EPHA5: variants seen among roughly 807,000 people sequenced by gnomAD.
The protein encoded by EPHA5 is EPH receptor A5.
A neutral mutation model predicts 105.0 loss-of-function variants in EPHA5; 60 were observed. The observed-to-expected ratio is 0.57, with a 90% confidence interval of 0.46 to 0.71. The LOEUF (loss-of-function observed/expected upper bound fraction) is 0.71, where lower values mean the gene tolerates loss of function less well. Ranked by LOEUF, EPHA5 falls within the 30% of genes least tolerant of loss-of-function variation. The probability of loss-of-function intolerance (pLI) is 0.00; values close to 1 mark genes in which losing one functional copy is unlikely to be tolerated. For missense variants in EPHA5, 1,218 were observed against 1,274.7 expected (o/e 0.96, Z 0.68); for synonymous variants, 513 against 449.1 (o/e 1.14, Z -1.80).
chr4:65,431,058 A>C (rs562279728), intron 5 of EPHA5, among the ~76,000 whole-genome samples: 2 of 152,318 alleles, frequency 1.3e-5, no homozygotes, highest in African/African-American at 4.8e-5. Context: ...ATTCAAATAT[A>C]TGAGAAATAT....
At chr4:65,471,771 C>T (rs1424598653) in intron 5 of EPHA5, among the ~76,000 whole-genome samples, 3 of 152,134 alleles carry the variant, frequency 2.0e-5, no homozygotes, top group African/African-American at 7.2e-5. Flanking sequence ...CCCCATGATC[C>T]AATCACCTCC....
At chr4:65,573,855 C>T (rs192792898) in intron 3 of EPHA5, 17 of 1,611,572 alleles carry the variant, frequency 1.1e-5, no homozygotes, top group Middle Eastern at 1.7e-4. Context: ...CAAAAAAAAA[C>T]CCTTCAGTCA....
At chr4:65,545,574 G>A (rs909272120) in intron 3 of EPHA5, among the ~76,000 whole-genome samples, 3 of 151,792 alleles carry the variant, frequency 2.0e-5, no homozygotes, top group Admixed American at 1.3e-4. Flanking sequence ...ACAATGAATT[G>A]ACATAATAGG....
chr4:65,403,426 T>G (rs923166121), intron 8 of EPHA5, among the ~76,000 whole-genome samples: 1 of 152,034 alleles, frequency 6.6e-6, no homozygotes, highest in Non-Finnish European at 1.5e-5. Context: ...AATAAATATT[T>G]CCATGAAGAC....
intron 4 of EPHA5, among the ~76,000 whole-genome samples, chr4:65,492,078 G>A (rs957049607): frequency 3.9e-5 from 6 of 152,080 alleles, no homozygotes; most frequent in African/African-American, 1.4e-4. Flanking sequence ...AATATGCATT[G>A]TCTGTTCTAA....
intron 8 of EPHA5, among the ~76,000 whole-genome samples, chr4:65,386,463 T>G (rs1228713789): frequency 6.6e-6 from 1 of 151,884 alleles, no homozygotes; most frequent in Admixed American, 6.6e-5. Flanking sequence ...TCATATGCAT[T>G]GACCCTTACT....
At chr4:65,334,547 G>A (rs1560421301) in intron 15 of EPHA5, among the ~76,000 whole-genome samples, 1 of 151,876 alleles carries the variant, frequency 6.6e-6, no homozygotes, top group Non-Finnish European at 1.5e-5. Flanking sequence ...CAACTCTTGT[G>A]ACATAGGTAG....
At chr4:65,377,306 A>C (rs1560470506) in intron 8 of EPHA5, among the ~76,000 whole-genome samples, 1 of 152,014 alleles carries the variant, frequency 6.6e-6, no homozygotes, top group Non-Finnish European at 1.5e-5. Context: ...ATCCAGTAGG[A>C]AATGTCATGA....
At chr4:65,446,826 A>C (rs1726581702) in intron 5 of EPHA5, among the ~76,000 whole-genome samples, 1 of 152,186 alleles carries the variant, frequency 6.6e-6, no homozygotes, top group African/African-American at 2.4e-5. Flanking sequence ...GGAGAATAAA[A>C]CATCAAGTAA....
At chr4:65,331,664 T>C in intron 16 of EPHA5, 15 of 1,115,298 alleles carry the variant, frequency 1.3e-5, no homozygotes, top group South Asian at 4.0e-5. Flanking sequence ...TAGATACCAG[T>C]ATAAAAAAAC....
In EPHA5 at chr4:65,494,895, C is replaced by G. The variant is rs956201492; in HGVS notation, c.1066+493G>C. ...GTGGCTTTATTGGGGCAGTTTAGAA[C>G]AAGATGGTGAAGGCTCCATCAGCTA... On this transcript the variant is annotated intron_variant, in intron 4 of 16. Transcript: ENST00000613740. Among the ~76,000 whole-genome samples the G allele has an allele frequency of 2.6e-5, 4 of 151,620 alleles. No individual in the cohort carries two copies. The East Asian group carries it at 7.8e-4, about 29-fold the overall frequency.
intron 8 of EPHA5, among the ~76,000 whole-genome samples, chr4:65,384,597 T>G (rs1165614760): frequency 6.6e-6 from 1 of 151,890 alleles, no homozygotes; most frequent in African/African-American, 2.4e-5. Context: ...ATTATTACCC[T>G]ATCCTGTCTG....
chr4:65,380,884 A>G (rs1719494585), intron 8 of EPHA5, among the ~76,000 whole-genome samples: 1 of 151,710 alleles, frequency 6.6e-6, no homozygotes, highest in South Asian at 2.1e-4. Context: ...CTTTGGCCCT[A>G]TTGTTTCACA....
chr4:65,647,188 G>A (rs1220554929), intron 1 of EPHA5, among the ~76,000 whole-genome samples: 1 of 151,840 alleles, frequency 6.6e-6, no homozygotes, highest in African/African-American at 2.4e-5. Flanking sequence ...AATTAGCCGG[G>A]TGTGGTGGTG....
chr4:65,456,972 A>AAAT (rs1727660301), intron 5 of EPHA5, among the ~76,000 whole-genome samples: 1 of 152,182 alleles, frequency 6.6e-6, no homozygotes. Context: ...TATGCATTAT[A>AAAT]AATATCATTG....
At chr4:65,546,251 A>G (rs966587620) in intron 3 of EPHA5, among the ~76,000 whole-genome samples, 3 of 152,018 alleles carry the variant, frequency 2.0e-5, no homozygotes, top group Admixed American at 1.3e-4. Flanking sequence ...CACAAAATTC[A>G]TGGTAGAGAC....
intron 14 of EPHA5, among the ~76,000 whole-genome samples, chr4:65,341,535 T>C (rs1721720516): frequency 6.6e-6 from 1 of 150,940 alleles, no homozygotes; most frequent in South Asian, 2.1e-4. Context: ...TAGAATCATA[T>C]TTATTTGCAC....
At chr4:65,561,670 T>C (rs1453397814) in intron 3 of EPHA5, among the ~76,000 whole-genome samples, 1 of 152,058 alleles carries the variant, frequency 6.6e-6, no homozygotes. Flanking sequence ...ATTTAAATCT[T>C]TCAATGCCTG....
At chr4:65,331,820 G>C (rs1577828636) in intron 16 of EPHA5, 153 bp downstream of exon 16, 2 of 1,342,356 alleles carry the variant, frequency 1.5e-6, no homozygotes, top group Non-Finnish European at 1.9e-6. Flanking sequence ...CCATGCAGTT[G>C]TTAACAATAC....
Sources: gnomAD v4.1 joint callset for allele counts (sites outside exome capture counted in the v4.1 genomes callset) on GRCh38, gnomAD v4.1.1 for gene constraint, MANE v1.5 for transcripts, NCBI Gene and HGNC (gene_info 2026-07-23, HGNC 2026-07-21) for gene names.